BICC1: variants seen among roughly 807,000 people sequenced by gnomAD.
The protein encoded by BICC1 is protein bicaudal C homolog 1.
BICC1 carries 43 observed loss-of-function variants against 111.0 expected under a neutral mutation model. The observed-to-expected ratio is 0.39, with a 90% CI of 0.30 to 0.50. BICC1 has a LOEUF of 0.50. BICC1 is among the 20% of genes least tolerant of loss of function. The probability of loss-of-function intolerance (pLI) is 0.88; values close to 1 mark genes in which losing one functional copy is unlikely to be tolerated. For synonymous variants in BICC1, 467 were observed against 434.4 expected (o/e 1.07, Z -0.93); for missense variants, 1,091 against 1,203.2 (o/e 0.91, Z 1.38).
At chr10:58,760,610 A>ATT (rs1842286201) in intron 3 of BICC1, among the ~76,000 whole-genome samples, 1 of 152,190 alleles carries the variant, frequency 6.6e-6, no homozygotes, top group African/African-American at 2.4e-5. Context: ...TTTTCTGGGA[A>ATT]AATAAAAAAT....
intron 3 of BICC1, among the ~76,000 whole-genome samples, chr10:58,704,329 T>C (rs1385766966): frequency 3.9e-5 from 6 of 152,180 alleles, no homozygotes; most frequent in South Asian, 2.1e-4. Flanking sequence ...AAAGAGAACA[T>C]GGAAGGGAGA....
In BICC1 at chr10:58,567,528, G is replaced by GTA. The variant is rs980816271; in HGVS notation, c.191-53315_191-53314dup. Among the ~76,000 whole-genome samples the GTA allele has an allele frequency of 3.2e-4, 48 of 150,360 alleles. No individual in the cohort carries two copies. The South Asian group carries it at 4.4e-3, about 14-fold the overall frequency. ...GGTGTATGTATATGTATCTTTTAGG[G>GTA]TATATATATATATCTCTTTTAGGGG... On this transcript the variant is annotated intron_variant, in intron 1 of 20. Coordinates refer to ENST00000373886, the MANE Select transcript of BICC1 (RefSeq NM_001080512.3).
intron 1 of BICC1, among the ~76,000 whole-genome samples, chr10:58,593,019 T>C (rs930262766): frequency 2.6e-5 from 4 of 151,974 alleles, no homozygotes; most frequent in Non-Finnish European, 4.4e-5. Flanking sequence ...CAGTCTGAGA[T>C]TGACTGGGAC....
intron 3 of BICC1, among the ~76,000 whole-genome samples, chr10:58,708,729 A>G (rs368446663): frequency 2.0e-4 from 30 of 147,074 alleles, no homozygotes; most frequent in African/African-American, 6.8e-4. Context: ...CTGCTTACTT[A>G]CTGTGCACGT....
intron 3 of BICC1, among the ~76,000 whole-genome samples, chr10:58,745,389 G>A (rs1365804270): frequency 6.6e-6 from 1 of 152,092 alleles, no homozygotes; most frequent in Non-Finnish European, 1.5e-5. Flanking sequence ...TAATATATCA[G>A]AAATATCTAG....
chr10:58,753,167 T>C (rs1197887195), intron 3 of BICC1, among the ~76,000 whole-genome samples: 3 of 152,026 alleles, frequency 2.0e-5, no homozygotes, highest in Admixed American at 1.3e-4. Flanking sequence ...GTTGTTTTTG[T>C]TGTTGTTGTT....
intron 10 of BICC1, among the ~76,000 whole-genome samples, chr10:58,796,851 C>A (rs773484657): frequency 1.3e-5 from 2 of 150,904 alleles, no homozygotes; most frequent in African/African-American, 2.4e-5. Context: ...TTCTCTCCTG[C>A]ATTTGCAATA....
intron 1 of BICC1, among the ~76,000 whole-genome samples, chr10:58,593,678 C>T (rs1205887159): frequency 3.9e-5 from 6 of 152,054 alleles, no homozygotes; most frequent in Non-Finnish European, 7.4e-5. Flanking sequence ...AACTAACAAA[C>T]GGAAAGAAAT....
chr10:58,523,442 A>G (rs1429002728), intron 1 of BICC1, among the ~76,000 whole-genome samples: 2 of 152,240 alleles, frequency 1.3e-5, no homozygotes, highest in Non-Finnish European at 2.9e-5. Flanking sequence ...AACAGAACCA[A>G]CGACAAAAAC....
chr10:58,650,284 G>A (rs756023430), intron 2 of BICC1: 6 of 152,194 alleles, frequency 3.9e-5, no homozygotes, highest in Admixed American at 1.3e-4. Context: ...AGCTGGTCAT[G>A]TGGAGTAGGT....
intron 3 of BICC1, among the ~76,000 whole-genome samples, chr10:58,780,157 G>A (rs541423232): frequency 5.4e-4 from 82 of 152,234 alleles, no homozygotes; most frequent in African/African-American, 1.8e-3. Context: ...TGAAACAAAC[G>A]TGAAAGAGCT....
chr10:58,529,430 C>A (rs1193846447), intron 1 of BICC1, among the ~76,000 whole-genome samples: 1 of 151,950 alleles, frequency 6.6e-6, no homozygotes, highest in Non-Finnish European at 1.5e-5. Flanking sequence ...TTATTCTGCG[C>A]AGAAGACCAC....
chr10:58,718,216 A>T (rs1424512207), intron 3 of BICC1, among the ~76,000 whole-genome samples: 1 of 152,172 alleles, frequency 6.6e-6, no homozygotes, highest in African/African-American at 2.4e-5. Flanking sequence ...GGGAAGTGCA[A>T]GATCAAGGTG....
intron 1 of BICC1, among the ~76,000 whole-genome samples, chr10:58,561,850 A>G (rs1843613368): frequency 6.6e-6 from 1 of 152,142 alleles, no homozygotes; most frequent in South Asian, 2.1e-4. Context: ...TTACTTGTCT[A>G]GAAAAGACTT....
chr10:58,544,276 A>C (rs1843076583), intron 1 of BICC1, among the ~76,000 whole-genome samples: 1 of 152,194 alleles, frequency 6.6e-6, no homozygotes, highest in Non-Finnish European at 1.5e-5. Flanking sequence ...AAAAATAAAT[A>C]TACAAAATGG....
intron 1 of BICC1, among the ~76,000 whole-genome samples, chr10:58,539,880 A>G (rs1842917276): frequency 6.6e-6 from 1 of 151,968 alleles, no homozygotes; most frequent in Admixed American, 6.6e-5. Flanking sequence ...ATCACATGGT[A>G]GGCCACAAAA....
intron 2 of BICC1, among the ~76,000 whole-genome samples, chr10:58,680,805 G>A (rs1338701675): frequency 6.6e-6 from 1 of 152,170 alleles, no homozygotes; most frequent in Non-Finnish European, 1.5e-5. Context: ...AAACAGCATA[G>A]TACTCATACC....
chr10:58,653,820 A>G (rs1215051988), intron 2 of BICC1, among the ~76,000 whole-genome samples: 1 of 125,394 alleles, frequency 8.0e-6, no homozygotes, highest in Admixed American at 7.9e-5. Context: ...TCCCAATGCT[A>G]TCCCTCCCCC....
intron 8 of BICC1, among the ~76,000 whole-genome samples, chr10:58,791,872 A>G (rs1055352213): frequency 6.6e-6 from 1 of 152,028 alleles, no homozygotes; most frequent in African/African-American, 2.4e-5. Context: ...GCTCACTGCA[A>G]TCTCTGCCTC....
Sources: allele counts gnomAD v4.1 joint callset (sites outside exome capture counted in the v4.1 genomes callset), GRCh38; gene constraint gnomAD v4.1.1; transcripts MANE v1.5; gene names NCBI Gene and HGNC (gene_info 2026-07-23, HGNC 2026-07-21).